The following TRPM3 variants were observed in gnomAD, a reference collection of about 807,000 sequenced individuals.
The protein encoded by TRPM3 is long transient receptor potential channel 3.
In TRPM3, 77 loss-of-function variants were observed where a neutral mutation model predicts 181.2. The observed-to-expected ratio is 0.42, with a 90% CI of 0.35 to 0.51. The LOEUF is 0.51. Among genes scored for constraint, TRPM3 ranks in the 20% least tolerant of loss-of-function variants. TRPM3 has a pLI of 0.01. For synonymous variants in TRPM3, 745 were observed against 796.4 expected, an observed-to-expected ratio of 0.94 and a Z score of 1.09; for missense variants, 1,759 against 2,196.7, an observed-to-expected ratio of 0.80 and a Z score of 3.98.
intron 22 of TRPM3, among the ~76,000 whole-genome samples, chr9:70,558,275 C>T (rs1471344836): frequency 1.3e-5 from 2 of 152,078 alleles, no homozygotes; most frequent in African/African-American, 2.4e-5. Context: ...AAAAACCATG[C>T]GATTCTTTTT....
At chr9:70,933,201 T>TA (rs2133438842) in intron 1 of TRPM3, among the ~76,000 whole-genome samples, 1 of 152,244 alleles carries the variant, frequency 6.6e-6, no homozygotes, top group East Asian at 1.9e-4. Flanking sequence ...TAGAGATATC[T>TA]AGGAGACAGT....
At chr9:71,337,111 A>T (rs1397708539) in intron 1 of TRPM3, among the ~76,000 whole-genome samples, 1 of 152,242 alleles carries the variant, frequency 6.6e-6, no homozygotes, top group Non-Finnish European at 1.5e-5. Flanking sequence ...ATGGGGTCTA[A>T]TTAAACTAAA....
At chr9:70,904,601 C>T (rs2096435592) in intron 1 of TRPM3, among the ~76,000 whole-genome samples, 1 of 152,120 alleles carries the variant, frequency 6.6e-6, no homozygotes, top group Non-Finnish European at 1.5e-5. Flanking sequence ...CCTGGAACAG[C>T]CCATCTTTCA....
chr9:71,271,644 CA>C (rs1245897351), intron 1 of TRPM3, among the ~76,000 whole-genome samples: 1 of 151,830 alleles, frequency 6.6e-6, no homozygotes, highest in African/African-American at 2.4e-5. Context: ...AAAAAAGCCC[CA>C]CCAAAGAGCC....
intron 8 of TRPM3, among the ~76,000 whole-genome samples, chr9:70,683,426 TCC>T (rs2065958441): frequency 1.7e-5 from 2 of 116,068 alleles, no homozygotes; most frequent in Admixed American, 1.0e-4. Flanking sequence ...TCTCTCTCTC[TCC>T]TTTTTTTTTT....
chr9:71,055,112 T>C (rs1250117396), intron 1 of TRPM3, among the ~76,000 whole-genome samples: 1 of 152,048 alleles, frequency 6.6e-6, no homozygotes, highest in African/African-American at 2.4e-5. Flanking sequence ...AGAGCTTAGG[T>C]TGTATTTCGA....
At chr9:71,164,928 T>C (rs2076464061) in intron 1 of TRPM3, among the ~76,000 whole-genome samples, 3 of 152,186 alleles carry the variant, frequency 2.0e-5, no homozygotes, top group Admixed American at 1.3e-4. Flanking sequence ...ACTCATTGGG[T>C]CCAACAATAT....
chr9:71,335,811 A>G (rs2090515040), intron 1 of TRPM3, among the ~76,000 whole-genome samples: 1 of 152,166 alleles, frequency 6.6e-6, no homozygotes, highest in African/African-American at 2.4e-5. Flanking sequence ...ACAGTTTTAT[A>G]CTTCAATACT....
At chr9:71,147,945 A>G (rs1006838017) in intron 1 of TRPM3, among the ~76,000 whole-genome samples, 1 of 152,084 alleles carries the variant, frequency 6.6e-6, no homozygotes. Flanking sequence ...TCACAAAAAT[A>G]TATTCAGCTC....
chr9:71,289,622 T>C (rs930742867), intron 1 of TRPM3, among the ~76,000 whole-genome samples: 2 of 152,080 alleles, frequency 1.3e-5, no homozygotes, highest in African/African-American at 2.4e-5. Context: ...AATCCCAACA[T>C]TGTGGGAGGC....
At chr9:70,695,821 G>A (rs779177163) in intron 8 of TRPM3, among the ~76,000 whole-genome samples, 1 of 152,112 alleles carries the variant, frequency 6.6e-6, no homozygotes, top group Non-Finnish European at 1.5e-5. Flanking sequence ...TGACCTTGAC[G>A]CCGGAGAGGT....
At chr9:71,249,083 A>G (rs1275050565) in intron 1 of TRPM3, among the ~76,000 whole-genome samples, 1 of 152,208 alleles carries the variant, frequency 6.6e-6, no homozygotes, top group African/African-American at 2.4e-5. Flanking sequence ...TGCTCATTTC[A>G]TTTGCAGACT....
chr9:71,179,229 A>T (rs1468131333), intron 1 of TRPM3, among the ~76,000 whole-genome samples: 2 of 152,122 alleles, frequency 1.3e-5, no homozygotes, highest in African/African-American at 4.8e-5. Flanking sequence ...ACTGCTTCCA[A>T]TATGGGAGAC....
intron 1 of TRPM3, among the ~76,000 whole-genome samples, chr9:71,278,789 A>G (rs1198172961): frequency 6.6e-6 from 1 of 152,146 alleles, no homozygotes; most frequent in Non-Finnish European, 1.5e-5. Context: ...CAGAGGGTTA[A>G]TGATGACATA....
chr9:70,592,491 C>T (rs2058288777), intron 21 of TRPM3, among the ~76,000 whole-genome samples: 1 of 152,128 alleles, frequency 6.6e-6, no homozygotes, highest in Admixed American at 6.5e-5. Flanking sequence ...TGATTGGGTC[C>T]CTGTTTGCAG....
At chr9:70,984,660 G>C (rs1469213531) in intron 1 of TRPM3, among the ~76,000 whole-genome samples, 1 of 152,180 alleles carries the variant, frequency 6.6e-6, no homozygotes, top group African/African-American at 2.4e-5. Flanking sequence ...AAATTGGAGT[G>C]ATGTGGCCAG....
At chr9:70,633,384 T>C (rs1159237735) in intron 12 of TRPM3, among the ~76,000 whole-genome samples, 1 of 152,174 alleles carries the variant, frequency 6.6e-6, no homozygotes, top group Non-Finnish European at 1.5e-5. Flanking sequence ...AATGGGTTTG[T>C]TGAGGGTAGA....
chr9:71,404,217 CAAT>C (rs2093394571), intron 1 of TRPM3, among the ~76,000 whole-genome samples: 1 of 152,082 alleles, frequency 6.6e-6, no homozygotes, highest in African/African-American at 2.4e-5. Flanking sequence ...AGTAGCAGCT[CAAT>C]AATACTAGTT....
At chr9:70,601,748 C>T (rs1589140068) in intron 20 of TRPM3, among the ~76,000 whole-genome samples, 1 of 152,202 alleles carries the variant, frequency 6.6e-6, no homozygotes, top group Non-Finnish European at 1.5e-5. Flanking sequence ...GCAGCCTGCC[C>T]GTTTGGCAGC....
Sources: gnomAD v4.1 joint callset for allele counts (sites outside exome capture counted in the v4.1 genomes callset) on GRCh38, gnomAD v4.1.1 for gene constraint, MANE v1.5 for transcripts, NCBI Gene and HGNC (gene_info 2026-07-23, HGNC 2026-07-21) for gene names.